The following LY6G6C variants were observed in gnomAD, a reference collection of about 807,000 sequenced individuals.
LY6G6C encodes the protein lymphocyte antigen 6 complex locus protein G6c.
LY6G6C carries 12 observed loss-of-function variants against 12.8 expected under a neutral mutation model. That is an observed-to-expected ratio of 0.94 (90% CI 0.60 to 1.52). LY6G6C has a LOEUF of 1.52. Among genes scored for constraint, LY6G6C ranks in the 40% most tolerant of loss-of-function variants. The probability of loss-of-function intolerance (pLI) is 0.00; values close to 1 mark genes in which losing one functional copy is unlikely to be tolerated. For synonymous variants in LY6G6C, 42 were observed against 61.6 expected, an observed-to-expected ratio of 0.68 and a Z score of 1.49; for missense variants, 125 against 155.8, an observed-to-expected ratio of 0.80 and a Z score of 1.05.
rs1036571735 is a variant in LY6G6C, at chr6:31,718,660, A to G, written c.*436T>C. The G allele has an allele frequency of 3.2e-5, 6 of 188,358 alleles. No homozygotes were observed. The highest frequency in any genetic ancestry group is 2.3e-4 in the Admixed American group (4 of 17,442). The allele number at this position is 188,358 out of a possible 1,614,324, so 11.7% of individuals were successfully genotyped here. A position where few individuals can be genotyped will look rare whatever the true frequency, so the allele number is the denominator to read the frequency against. On this transcript the variant is annotated 3_prime_UTR_variant, in exon 3 of 3. Coordinates refer to ENST00000375819, the MANE Select transcript of LY6G6C (RefSeq NM_025261.3). ...AATGTACATTTTATCAGACTCAGAC[A>G]TTTATTACTCAAAATGGAAAGAGGT... is the stretch of plus-strand genomic sequence containing the variant.
At chr6:31,721,561 G>T in intron 1 of LY6G6C, 67 bp downstream of exon 1, 1 of 1,473,526 alleles carries the variant, frequency 6.8e-7, no homozygotes, top group African/African-American at 1.4e-5. Context: ...GGGCCGGGAA[G>T]TGGGTAGAGC....
rs373625540 is a variant in LY6G6C at position 31,721,719 on chromosome 6, T to G, written c.-40A>C. 1.0e-5 allele frequency: 16 copies of G among 1,607,040 alleles called. No individual in the cohort carries two copies. The highest frequency in any genetic ancestry group is 1.4e-5 in the Non-Finnish European group (16 of 1,174,104). ...GAATGGTGGCAACCACAGCAGCTGATAGAGTAGATTTTCAAGGATCCAGCT... is the reference window on the plus strand; with the variant it reads ...GAATGGTGGCAACCACAGCAGCTGAGAGAGTAGATTTTCAAGGATCCAGCT... On this transcript the variant is annotated 5_prime_UTR_variant, in exon 1 of 3. Transcript: ENST00000375819.
chr6:31,720,057 C>A lies in LY6G6C; in HGVS notation c.163+36G>T. 6.7e-7 allele frequency: 1 copy of A among 1,489,030 alleles called. No homozygotes were observed. Among genetic ancestry groups the A allele is most frequent in the Admixed American group, 1.7e-5 (1 of 59,556 alleles). 92.2% of individuals were successfully genotyped at this position (1,489,030 alleles called of 1,614,324 possible). The stretch of plus-strand genomic sequence containing the variant: ...TCAGTCCTGGTCATAGAGGCTCCCA[C>A]CTCCCTGTTCACCCCACTAAGGAAG... On this transcript the variant is annotated intron_variant, in intron 2 of 2. Transcript: ENST00000375819. The surrounding 1 kb of genome is among the most constrained non-coding windows in gnomAD (Gnocchi z 4.9).
Position 31,721,691 on chromosome 6 carries a change from T to C in LY6G6C, c.-12A>G. The C allele has an allele frequency of 6.2e-7, 1 of 1,613,916 alleles. No homozygotes were observed. Among genetic ancestry groups the C allele is most frequent in the Non-Finnish European group, 8.5e-7 (1 of 1,179,862 alleles). ...ATAAGGGCTTTCATGGCGAGGGTCC[T>C]GAGAATGGTGGCAACCACAGCAGCT... is the stretch of plus-strand genomic sequence containing the variant. On this transcript the variant is annotated 5_prime_UTR_variant, in exon 1 of 3. Transcript: ENST00000375819.
rs757783978 is a variant in LY6G6C, at chr6:31,721,669, A to G, written c.11T>C (p.Leu4Pro). MKA[L>P]MLLTLSVLLC... ...CAGAACAGACAGGGTGAGCAGCATA[A>G]GGGCTTTCATGGCGAGGGTCCTGAG... The change falls in exon 1 of 3, where the codon CTT becomes CCT. Residue 4 changes from leucine (L) to proline (P), a missense_variant. Physicochemically the swap from Leu to Pro is moderately conservative, Grantham distance 98. Coordinates refer to ENST00000375819, the MANE Select transcript of LY6G6C (RefSeq NM_025261.3). 2.5e-6 allele frequency: 4 copies of G among 1,613,910 alleles called. No individual in the cohort carries two copies. Among genetic ancestry groups the G allele is most frequent in the African/African-American group, 1.3e-5 (1 of 74,894 alleles).
chr6:31,720,264 A>G lies in LY6G6C; in HGVS notation c.53-61T>C. ...CTCTGACTTACCTGGGGATAAGCTG[A>G]GCTGGGGGCAGGGGTGGAGGGTGGA... On this transcript the variant is annotated intron_variant, in intron 1 of 2. Coordinates refer to ENST00000375819, the MANE Select transcript of LY6G6C (RefSeq NM_025261.3). The surrounding 1 kb of genome is among the most constrained non-coding windows in gnomAD (Gnocchi z 4.9). The G allele has an allele frequency of 3.3e-6, 4 of 1,217,172 alleles. No homozygotes were observed. The highest frequency in any genetic ancestry group is 4.8e-6 in the Non-Finnish European group (4 of 826,416). 75.4% of individuals were successfully genotyped at this position (1,217,172 alleles called of 1,614,324 possible).
At position 31,719,252 on chromosome 6, in the gene LY6G6C, C is replaced by G. The variant is rs1806651050; in HGVS notation, c.222G>C (p.Glu74Asp). Reference sequence around the variant, plus strand: ...GCTTGCGGTTGGTTTGGTTGAAGGCCTCCTGACAGGGCTCTTCTGGTGTGC... The same window carrying G: ...GCTTGCGGTTGGTTTGGTTGAAGGCGTCCTGACAGGGCTCTTCTGGTGTGC... Reference protein sequence around the residue: ...RCGTPEEPCQEAFNQTNRKLG... With the variant: ...RCGTPEEPCQDAFNQTNRKLG... Residue 74 changes from glutamate (E) to aspartate (D), a missense_variant, in exon 3 of 3, where the codon GAG becomes GAC. Glu to Asp is a conservative substitution (Grantham distance 45). Coordinates refer to ENST00000375819, the MANE Select transcript of LY6G6C (RefSeq NM_025261.3). The G allele has an allele frequency of 1.2e-6, 2 of 1,614,052 alleles. No individual in the cohort carries two copies. Among genetic ancestry groups the G allele is most frequent in the Admixed American group, 3.3e-5 (2 of 60,004 alleles).
chr6:31,719,208 G>C lies in LY6G6C; in HGVS notation c.266C>G (p.Thr89Ser). The C allele has an allele frequency of 6.2e-7, 1 of 1,614,212 alleles. No homozygotes were observed. The highest frequency in any genetic ancestry group is 8.5e-7 in the Non-Finnish European group (1 of 1,180,022). ...GCAGTTGTCCTTGTTGCAGCAGGTG[G>C]TGTTATATGTCAGACCCAGCTTGCG... is the stretch of plus-strand genomic sequence containing the variant. ...TNRKLGLTYNTTCCNKDNCNS... is the reference protein window; with the variant it reads ...TNRKLGLTYNSTCCNKDNCNS... The change falls in exon 3 of 3, where the codon ACC becomes AGC. Residue 89 changes from threonine to serine, a missense_variant. By Grantham distance (58) the Thr-to-Ser change is moderately conservative. Transcript: ENST00000375819.
rs771149764 is a variant in LY6G6C, at chr6:31,720,096, G to A, written c.160C>T (p.Leu54Phe). ...GQQCLTTHAY[L>F]GKMWVFSNLR... Reference sequence around the variant, plus strand: ...CCACTAAGGAAGGGGATGTTACCAAGGTATGCATGTGTTGTCAGGCATTGC... The same window carrying A: ...CCACTAAGGAAGGGGATGTTACCAAAGTATGCATGTGTTGTCAGGCATTGC... Residue 54 changes from leucine (L) to phenylalanine (F), a missense_variant, in exon 2 of 3, where the codon CTT becomes TTT. Coordinates refer to ENST00000375819, the MANE Select transcript of LY6G6C (RefSeq NM_025261.3). The surrounding 1 kb of genome is among the most constrained non-coding windows in gnomAD (Gnocchi z 4.9). 2.1e-5 allele frequency: 34 copies of A among 1,611,004 alleles called. No homozygotes were observed. Among genetic ancestry groups the A allele is most frequent in the Middle Eastern group, 1.6e-4 (1 of 6,078 alleles).
At position 31,719,178 on chromosome 6, in the gene LY6G6C, C is replaced by A. The variant is rs1482762602; in HGVS notation, c.296G>T (p.Ser99Ile). Reference protein sequence around the residue: ...TTCCNKDNCNSAGPRPTPALG... With the variant: ...TTCCNKDNCNIAGPRPTPALG... ...GGCTGGAGTGGGCCGGGGTCCTGCG[C>A]TGTTGCAGTTGTCCTTGTTGCAGCA... Residue 99 changes from serine to isoleucine, a missense_variant, in exon 3 of 3, where the codon AGC becomes ATC. By Grantham distance (142) the Ser-to-Ile change is moderately radical. Transcript: ENST00000375819. 1 of 1,613,976 alleles carries A rather than the reference C, an allele frequency of 6.2e-7. No homozygotes were observed. The highest frequency in any genetic ancestry group is 1.3e-5 in the African/African-American group (1 of 74,884).
chr6:31,719,719 T>C (rs1232435543), intron 2 of LY6G6C, among the ~76,000 whole-genome samples: 1 of 152,128 alleles, frequency 6.6e-6, no homozygotes, highest in Non-Finnish European at 1.5e-5. Flanking sequence ...GTATATTTAG[T>C]AGAAATGGGG....
Position 31,719,024 on chromosome 6 carries a change from G to T in LY6G6C, c.*72C>A. The T allele has an allele frequency of 7.7e-7, 1 of 1,297,604 alleles. No individual in the cohort carries two copies. Among genetic ancestry groups the T allele is most frequent in the South Asian group, 1.3e-5 (1 of 79,886 alleles). 80.4% of individuals were successfully genotyped at this position (1,297,604 alleles called of 1,614,324 possible). On this transcript the variant is annotated 3_prime_UTR_variant, in exon 3 of 3. Transcript: ENST00000375819. ...GGGAGAGACGATTCTGTAAAGCCAG[G>T]GGATACAGAGACACAGGGAGAGAGG...
At position 31,718,954 on chromosome 6, in the gene LY6G6C, G is replaced by T; in HGVS notation, c.*142C>A. The T allele has an allele frequency of 1.5e-6, 1 of 688,502 alleles. No individual in the cohort carries two copies. Among genetic ancestry groups the T allele is most frequent in the Non-Finnish European group, 2.5e-6 (1 of 404,720 alleles). 42.6% of individuals were successfully genotyped at this position (688,502 alleles called of 1,614,324 possible). ...AGGGTGTGAGGTGGGAAGGATGGAT[G>T]AGGAGACCACTCGGAACAGTGTTTA... On this transcript the variant is annotated 3_prime_UTR_variant, in exon 3 of 3. Transcript: ENST00000375819.
At position 31,718,940 on chromosome 6, in the gene LY6G6C, T is replaced by G; in HGVS notation, c.*156A>C. ...AAAAAGGAGAGTGAAGGGTGTGAGG[T>G]GGGAAGGATGGATGAGGAGACCACT... On this transcript the variant is annotated 3_prime_UTR_variant, in exon 3 of 3. Coordinates refer to ENST00000375819, the MANE Select transcript of LY6G6C (RefSeq NM_025261.3). The G allele has an allele frequency of 3.2e-6, 2 of 630,880 alleles. No homozygotes were observed. The highest frequency in any genetic ancestry group is 2.0e-5 in the South Asian group (1 of 49,174). 39.1% of individuals were successfully genotyped at this position (630,880 alleles called of 1,614,324 possible).
chr6:31,721,612 G>A lies in LY6G6C; in HGVS notation c.52+16C>T. 1.9e-6 allele frequency: 3 copies of A among 1,613,144 alleles called. No homozygotes were observed. The highest frequency in any genetic ancestry group is 2.5e-6 in the Non-Finnish European group (3 of 1,179,572). ...TGACCAGGCAAACCAGGTCTTTGGGGCCCCCAGGTGCTCACCTGAGACCCA... is the reference window on the plus strand; with the variant it reads ...TGACCAGGCAAACCAGGTCTTTGGGACCCCCAGGTGCTCACCTGAGACCCA... On this transcript the variant is annotated intron_variant, in intron 1 of 2. Coordinates refer to ENST00000375819, the MANE Select transcript of LY6G6C (RefSeq NM_025261.3).
At position 31,720,138 on chromosome 6, in the gene LY6G6C, G is replaced by A. The variant is rs773018610; in HGVS notation, c.118C>T (p.Arg40Cys). The A allele has an allele frequency of 1.2e-5, 20 of 1,612,956 alleles. No homozygotes were observed. The highest frequency in any genetic ancestry group is 5.0e-5 in the Admixed American group (3 of 60,002). The part of the protein sequence containing the change: ...VLGCVDRQSC[R>C]LEPGQQCLTT... ...AGGCATTGCTGTCCTGGCTCCAGGC[G>A]GCAGGACTGCCGGTCCACACAGCCC... The change falls in exon 2 of 3, where the codon CGC becomes TGC. Residue 40 changes from arginine to cysteine, a missense_variant. Coordinates refer to ENST00000375819, the MANE Select transcript of LY6G6C (RefSeq NM_025261.3). This position sits in a 1 kb window ranked among gnomAD's most constrained non-coding sequence, Gnocchi z 4.9.
intron 1 of LY6G6C, 58 bp downstream of exon 1, chr6:31,721,570 G>T: frequency 6.5e-7 from 1 of 1,531,724 alleles, no homozygotes; most frequent in South Asian, 1.1e-5. Flanking sequence ...AGTGGGTAGA[G>T]CAGGGTGTAA....
Position 31,720,121 on chromosome 6 carries a change from C to G in LY6G6C, c.135G>C (p.Gln45His), listed in dbSNP as rs1562164533. ...DRQSCRLEPG[Q>H]QCLTTHAYLG... ...GGTATGCATGTGTTGTCAGGCATTG[C>G]TGTCCTGGCTCCAGGCGGCAGGACT... The change falls in exon 2 of 3, where the codon CAG becomes CAC. Residue 45 changes from glutamine to histidine, a missense_variant. Coordinates refer to ENST00000375819, the MANE Select transcript of LY6G6C (RefSeq NM_025261.3). The surrounding 1 kb of genome is among the most constrained non-coding windows in gnomAD (Gnocchi z 4.9). 6.2e-7 allele frequency: 1 copy of G among 1,612,930 alleles called. No individual in the cohort carries two copies. The highest frequency in any genetic ancestry group is 1.7e-5 in the Admixed American group (1 of 60,030).
Position 31,721,635 on chromosome 6 carries a change from C to T in LY6G6C, c.45G>A (p.Trp15Ter). The T allele has an allele frequency of 6.8e-6, 11 of 1,613,572 alleles. No homozygotes were observed. Among genetic ancestry groups the T allele is most frequent in the Non-Finnish European group, 9.3e-6 (11 of 1,179,782 alleles). Residue 15 changes from tryptophan (W) to a stop codon, truncating the protein, a stop_gained, in exon 1 of 3, where the codon TGG becomes TGA. Transcript: ENST00000375819. LOFTEE classifies it high-confidence loss of function. The part of the protein sequence containing the change: ...MLLTLSVLLC[W>*]VSADIRCHSC... ...GGGCCCCCAGGTGCTCACCTGAGACCCAGCAGAGCAGAACAGACAGGGTGA... is the reference window on the plus strand; with the variant it reads ...GGGCCCCCAGGTGCTCACCTGAGACTCAGCAGAGCAGAACAGACAGGGTGA...
Sources: allele counts gnomAD v4.1 joint callset (sites outside exome capture counted in the v4.1 genomes callset), GRCh38; gene constraint gnomAD v4.1.1; non-coding constraint Gnocchi (gnomAD v3.1); transcripts MANE v1.5; gene names NCBI Gene and HGNC (gene_info 2026-07-23, HGNC 2026-07-21).